MTPAP: variants seen among roughly 807,000 people sequenced by gnomAD.
The protein encoded by MTPAP is mitochondrial poly(A) polymerase.
A neutral mutation model predicts 48.7 loss-of-function variants in MTPAP; 23 were observed. That is an observed-to-expected ratio of 0.47 (90% CI 0.34 to 0.67). The LOEUF (loss-of-function observed/expected upper bound fraction) is 0.67. MTPAP is among the 30% of genes least tolerant of loss of function. MTPAP has a pLI of 0.01. For missense variants in MTPAP, 614 were observed against 694.3 expected, an observed-to-expected ratio of 0.88 and a Z score of 1.30; for synonymous variants, 257 against 254.1, an observed-to-expected ratio of 1.01 and a Z score of -0.11.
intron 4 of MTPAP, among the ~76,000 whole-genome samples, chr10:30,330,254 G>A (rs1834649776): frequency 6.6e-6 from 1 of 152,096 alleles, no homozygotes; most frequent in Admixed American, 6.6e-5. Context: ...TTCTTCCTTA[G>A]CCATTTTGTT....
intron 1 of MTPAP, among the ~76,000 whole-genome samples, chr10:30,346,044 A>AAG (rs1236952392): frequency 1.4e-5 from 2 of 138,946 alleles, no homozygotes; most frequent in African/African-American, 5.5e-5. Flanking sequence ...TTCTCAAAAG[A>AAG]AAAAAAAAAA....
rs1193779240 is a variant in MTPAP at position 30,313,770 on chromosome 10, G to GGGAT, written c.1584_1587dup (p.Leu530IlefsTer20). ...CTGTTTGGAGCAGATGGTAGCAATA[G>GGGAT]GGATACCAGCCCCCAGGGCCGATTA... On this transcript the variant is annotated frameshift_variant, in exon 9 of 9. Coordinates refer to ENST00000263063, the MANE Select transcript of MTPAP (RefSeq NM_018109.4). LOFTEE classifies it low-confidence loss of function (END_TRUNC). 6.2e-7 allele frequency: 1 copy of GGGAT among 1,614,104 alleles called. No individual in the cohort carries two copies. The highest frequency in any genetic ancestry group is 2.2e-5 in the East Asian group (1 of 44,890).
At chr10:30,329,582 T>G (rs1834640191) in intron 4 of MTPAP, among the ~76,000 whole-genome samples, 1 of 152,164 alleles carries the variant, frequency 6.6e-6, no homozygotes, top group Non-Finnish European at 1.5e-5. Context: ...AGTCCTTTCC[T>G]AAGACTCATC....
chr10:30,348,869 G>T, intron 1 of MTPAP: 3 of 547,134 alleles, frequency 5.5e-6, no homozygotes, highest in Admixed American at 6.5e-5. Flanking sequence ...GAATTTCATG[G>T]AAGTCTAAAC....
intron 4 of MTPAP, among the ~76,000 whole-genome samples, chr10:30,333,224 ATAAGAG>A (rs1372488964): frequency 5.3e-5 from 8 of 152,284 alleles, no homozygotes; most frequent in Non-Finnish European, 8.8e-5. Context: ...TCCCACTTAC[ATAAGAG>A]TAAAATTATA....
chr10:30,341,421 C>T, intron 2 of MTPAP, 47 bp downstream of exon 2: 1 of 1,583,030 alleles, frequency 6.3e-7, no homozygotes, highest in South Asian at 1.1e-5. Context: ...AGACCTCCAC[C>T]CTTGAAAAGC....
At chr10:30,346,859 G>A (rs965817497) in intron 1 of MTPAP, among the ~76,000 whole-genome samples, 6 of 152,068 alleles carry the variant, frequency 3.9e-5, no homozygotes, top group African/African-American at 1.4e-4. Context: ...TGATCAATCG[G>A]AAGCCGCAAG....
intron 5 of MTPAP, among the ~76,000 whole-genome samples, chr10:30,324,326 A>T (rs2132852054): frequency 6.6e-6 from 1 of 152,320 alleles, no homozygotes; most frequent in Admixed American, 6.5e-5. Flanking sequence ...CCTAGGTAAC[A>T]TAGTAAGACC....
rs1290533737 is a variant in MTPAP at position 30,337,510 on chromosome 10, G to A, written c.556-483C>T. Among the ~76,000 whole-genome samples, 8 of 152,056 alleles carry A rather than the reference G, an allele frequency of 5.3e-5. No homozygotes were observed. In the South Asian group the frequency reaches 6.2e-4, roughly 12 times the overall value. Reference sequence around the variant, plus strand: ...TCTCAATACTTTGGAAGGCCAAGGCGGATCATATGAGGCAAGGAGTTTGAG... The same window carrying A: ...TCTCAATACTTTGGAAGGCCAAGGCAGATCATATGAGGCAAGGAGTTTGAG... On this transcript the variant is annotated intron_variant, in intron 3 of 8. Coordinates refer to ENST00000263063, the MANE Select transcript of MTPAP (RefSeq NM_018109.4).
In MTPAP at chr10:30,336,816, A is replaced by C; in HGVS notation, c.767T>G (p.Leu256Arg). The C allele has an allele frequency of 6.2e-7, 1 of 1,607,648 alleles. No homozygotes were observed. The highest frequency in any genetic ancestry group is 8.5e-7 in the Non-Finnish European group (1 of 1,175,700). ...AAATAGACTTACCTTGTGAGCGCTGAGGTTTCTGGTTTCATCTAGATCCAA... is the reference window on the plus strand; with the variant it reads ...AAATAGACTTACCTTGTGAGCGCTGCGGTTTCTGGTTTCATCTAGATCCAA... ...MFLDLDETRN[L>R]SAHKISGNFL... Residue 256 changes from leucine to arginine, a missense_variant, in exon 4 of 9, where the codon CTC becomes CGC. By Grantham distance (102) the Leu-to-Arg change is moderately radical. Coordinates refer to ENST00000263063, the MANE Select transcript of MTPAP (RefSeq NM_018109.4).
intron 5 of MTPAP, among the ~76,000 whole-genome samples, chr10:30,324,406 T>A (rs1564519876): frequency 6.6e-6 from 1 of 151,744 alleles, no homozygotes; most frequent in South Asian, 2.1e-4. Flanking sequence ...ATTAAAAAAA[T>A]AGTCAGGCGT....
At position 30,312,718 on chromosome 10, in the gene MTPAP, T is replaced by C. The variant is rs2132840573; in HGVS notation, c.*891A>G. ...GTGTGCAGATCTGGGTGTACGTGGA[T>C]GGTCCTGGAACCAATTTTCTGCATA... On this transcript the variant is annotated 3_prime_UTR_variant, in exon 9 of 9. Coordinates refer to ENST00000263063, the MANE Select transcript of MTPAP (RefSeq NM_018109.4). 6.6e-6 allele frequency: 1 copy of C among 151,706 alleles called. No homozygotes were observed. The highest frequency in any genetic ancestry group is 2.4e-5 in the African/African-American group (1 of 41,368). 9.4% of individuals were successfully genotyped at this position (151,706 alleles called of 1,614,324 possible).
At position 30,341,605 on chromosome 10, in the gene MTPAP, CAG is replaced by C; in HGVS notation, c.191_192del (p.Ser64Ter). 5.0e-6 allele frequency: 8 copies of C among 1,614,074 alleles called. No homozygotes were observed. The highest frequency in any genetic ancestry group is 6.8e-6 in the Non-Finnish European group (8 of 1,180,004). ...FEDKIPKRRF[S>X]EMQNERREQA... ...TGTTCTCGTCTTTCATTTTGCATCT[CAG>C]AGAATCTCCTTTTGGGAATCTTGTC... On this transcript the variant is annotated frameshift_variant, in exon 2 of 9. Coordinates refer to ENST00000263063, the MANE Select transcript of MTPAP (RefSeq NM_018109.4). LOFTEE classifies it high-confidence loss of function.
chr10:30,313,757 G>A lies in MTPAP; in HGVS notation c.1601C>T (p.Ser534Phe). Residue 534 changes from serine (S) to phenylalanine (F), a missense_variant, in exon 9 of 9, where the codon TCT (serine) becomes TTT (phenylalanine). Transcript: ENST00000263063. ...PWGLVSLLLP[S>F]APNRKSFTKK... ...GGTAAAGGACTTTCTGTTTGGAGCA[G>A]ATGGTAGCAATAGGGATACCAGCCC... 6.2e-7 allele frequency: 1 copy of A among 1,614,176 alleles called. No individual in the cohort carries two copies. The highest frequency in any genetic ancestry group is 8.5e-7 in the Non-Finnish European group (1 of 1,180,004).
At chr10:30,345,353 T>C (rs1834862060) in intron 1 of MTPAP, among the ~76,000 whole-genome samples, 1 of 152,256 alleles carries the variant, frequency 6.6e-6, no homozygotes, top group African/African-American at 2.4e-5. Context: ...TTTACCATTT[T>C]TTCACTATTA....
At chr10:30,322,979 T>A (rs904834635) in intron 5 of MTPAP, among the ~76,000 whole-genome samples, 1 of 151,106 alleles carries the variant, frequency 6.6e-6, no homozygotes, top group Non-Finnish European at 1.5e-5. Flanking sequence ...AATACAATAA[T>A]TCAGCTGGGC....
At chr10:30,326,756 A>C (rs1453588616) in intron 4 of MTPAP, 121 bp from the exon 5 acceptor site, 3 of 757,532 alleles carry the variant, frequency 4.0e-6, no homozygotes, top group Admixed American at 2.8e-5. Context: ...AGAAAAAAAC[A>C]ACCCACAAAA....
At position 30,313,504 on chromosome 10, in the gene MTPAP, T is replaced by A. The variant is rs984628588; in HGVS notation, c.*105A>T. On this transcript the variant is annotated 3_prime_UTR_variant, in exon 9 of 9. Coordinates refer to ENST00000263063, the MANE Select transcript of MTPAP (RefSeq NM_018109.4). ...AATGAGAAGATCATGAAAAGTGACA[T>A]CAGATGAAAGCTGAGATCTGTGAAA... is the stretch of plus-strand genomic sequence containing the variant. 6.8e-7 allele frequency: 1 copy of A among 1,462,836 alleles called. No homozygotes were observed. Among genetic ancestry groups the A allele is most frequent in the African/African-American group, 1.4e-5 (1 of 71,676 alleles). 90.6% of individuals were successfully genotyped at this position (1,462,836 alleles called of 1,614,324 possible).
At chr10:30,349,033 C>G (rs1312226207) in intron 1 of MTPAP, 86 bp downstream of exon 1, 3 of 1,591,966 alleles carry the variant, frequency 1.9e-6, no homozygotes, top group African/African-American at 2.7e-5. Flanking sequence ...GGTCCACAGC[C>G]GTTTCCACAG....
Sources: gnomAD v4.1 joint callset for allele counts (sites outside exome capture counted in the v4.1 genomes callset) on GRCh38, gnomAD v4.1.1 for gene constraint, MANE v1.5 for transcripts, NCBI Gene and HGNC (gene_info 2026-07-23, HGNC 2026-07-21) for gene names.